Variants in PTGFR observed in about 807,000 individuals in gnomAD.
PTGFR encodes prostaglandin F receptor, also known as prostaglandin F2-alpha receptor.
PTGFR carries 15 observed loss-of-function variants against 26.2 expected under a neutral mutation model. That is an observed-to-expected ratio of 0.57 (90% CI 0.38 to 0.88). The LOEUF (loss-of-function observed/expected upper bound fraction) is 0.88, where lower values mean the gene tolerates loss of function less well. Ranked by LOEUF, PTGFR falls within the 40% of genes least tolerant of loss-of-function variation. The pLI is 0.00. For synonymous variants in PTGFR, 165 were observed against 151.1 expected, an observed-to-expected ratio of 1.09 and a Z score of -0.68; for missense variants, 369 against 427.2, an observed-to-expected ratio of 0.86 and a Z score of 1.20.
At position 78,496,448 on chromosome 1, in the gene PTGFR, T is replaced by C. The variant is rs550816586; in HGVS notation, c.798+2907T>C. ...CAGGTCAATGCCCTATTTCATACCATGTGCCTTTTCTCTCTGATTAACTGT... is the reference window on the plus strand; with the variant it reads ...CAGGTCAATGCCCTATTTCATACCACGTGCCTTTTCTCTCTGATTAACTGT... On this transcript the variant is annotated intron_variant, in intron 2 of 2. Coordinates refer to ENST00000370757, the MANE Select transcript of PTGFR (RefSeq NM_000959.4). Among the ~76,000 whole-genome samples the C allele has an allele frequency of 1.2e-4, 18 of 152,304 alleles. No individual in the cohort carries two copies. In the South Asian group the frequency reaches 2.9e-3, roughly 25 times the overall value.
At chr1:78,498,425 G>A (rs1192551890) in intron 2 of PTGFR, among the ~76,000 whole-genome samples, 2 of 151,970 alleles carry the variant, frequency 1.3e-5, no homozygotes, top group African/African-American at 4.8e-5. Context: ...TATATATATT[G>A]TTTATGTATT....
intron 2 of PTGFR, among the ~76,000 whole-genome samples, chr1:78,533,795 C>T (rs534814793): frequency 6.0e-4 from 91 of 152,206 alleles, no homozygotes; most frequent in African/African-American, 2.1e-3. Context: ...AACATGGGCT[C>T]TATTATCTAT....
intron 2 of PTGFR, among the ~76,000 whole-genome samples, chr1:78,523,675 A>T (rs1011636842): frequency 6.6e-6 from 1 of 152,156 alleles, no homozygotes; most frequent in African/African-American, 2.4e-5. Flanking sequence ...ATTTTATTTT[A>T]GCTAATTTTT....
intron 2 of PTGFR, among the ~76,000 whole-genome samples, chr1:78,532,983 G>T (rs1650559748): frequency 6.6e-6 from 1 of 152,128 alleles, no homozygotes; most frequent in Non-Finnish European, 1.5e-5. Context: ...GGCACAGATA[G>T]TAGTTTGTCC....
At chr1:78,499,779 T>G (rs1164979650) in intron 2 of PTGFR, among the ~76,000 whole-genome samples, 2 of 152,214 alleles carry the variant, frequency 1.3e-5, no homozygotes, top group Non-Finnish European at 2.9e-5. Context: ...ATACTAGGCT[T>G]GGTATTTTAT....
intron 2 of PTGFR, among the ~76,000 whole-genome samples, chr1:78,528,092 A>C (rs371871248): frequency 6.6e-6 from 1 of 152,002 alleles, no homozygotes. Context: ...TTAGACCATG[A>C]GATAGGAAAT....
chr1:78,497,990 A>C, intron 2 of PTGFR: 1 of 1,409,540 alleles, frequency 7.1e-7, no homozygotes, highest in Non-Finnish European at 1.0e-6. Context: ...GTAGAATTGG[A>C]GCTTGATTTT....
Position 78,536,687 on chromosome 1 carries a change from G to T in PTGFR, c.1080G>T (p.Ter360TyrextTer23). ...TTGCAGAGAAATCAGCAAGCACCTA[G>T]CTTAATAGGACAGTAAATCTGTGTG... is the stretch of plus-strand genomic sequence containing the variant. ...SPVAEKSAST[*>Y] The change falls in exon 3 of 3, where the codon TAG (stop) becomes TAT (tyrosine). Residue 360 changes from the stop codon to tyrosine, a stop_lost. Coordinates refer to ENST00000370757, the MANE Select transcript of PTGFR (RefSeq NM_000959.4). The T allele has an allele frequency of 6.2e-7, 1 of 1,610,476 alleles. No individual in the cohort carries two copies. The highest frequency in any genetic ancestry group is 8.5e-7 in the Non-Finnish European group (1 of 1,178,558).
chr1:78,537,028 A>C lies in PTGFR; in HGVS notation c.*341A>C. The C allele has an allele frequency of 4.3e-6, 1 of 232,922 alleles. No individual in the cohort carries two copies. 14.4% of individuals were successfully genotyped at this position (232,922 alleles called of 1,614,324 possible). A position where few individuals can be genotyped will look rare whatever the true frequency, so the allele number is the denominator to read the frequency against. The stretch of plus-strand genomic sequence containing the variant: ...GGCCTATTTGCCAGAGAACATCTTA[A>C]TGCAGCCTGCATAGTGAAATGGTTA... On this transcript the variant is annotated 3_prime_UTR_variant, in exon 3 of 3. Transcript: ENST00000370757.
intron 2 of PTGFR, among the ~76,000 whole-genome samples, chr1:78,527,758 C>T (rs1194066852): frequency 6.6e-6 from 1 of 152,108 alleles, no homozygotes; most frequent in Non-Finnish European, 1.5e-5. Context: ...CCACTATGTG[C>T]CCAGCACAGA....
intron 2 of PTGFR, among the ~76,000 whole-genome samples, chr1:78,505,632 C>T (rs1211070277): frequency 6.6e-6 from 1 of 152,168 alleles, no homozygotes; most frequent in Non-Finnish European, 1.5e-5. Context: ...GCTGTCACCA[C>T]TATCTTGTAC....
chr1:78,532,374 A>ATATATATATATATATATATATATATG (rs1650531576), intron 2 of PTGFR: 1 of 118,558 alleles, frequency 8.4e-6, no homozygotes, highest in Non-Finnish European at 1.5e-5. Flanking sequence ...TTATATATAT[A>ATATATATATATATATATATATATATG]TATATATATA....
chr1:78,523,922 A>G (rs1570292346), intron 2 of PTGFR, among the ~76,000 whole-genome samples: 1 of 152,124 alleles, frequency 6.6e-6, no homozygotes, highest in East Asian at 1.9e-4. Context: ...CTATATGCCC[A>G]GCATGTCTGA....
At chr1:78,523,076 A>T (rs1368024821) in intron 2 of PTGFR, among the ~76,000 whole-genome samples, 1 of 152,126 alleles carries the variant, frequency 6.6e-6, no homozygotes, top group African/African-American at 2.4e-5. Flanking sequence ...ATGGCTGCAA[A>T]GTATTTCATT....
chr1:78,516,357 T>C (rs954723217), intron 2 of PTGFR, among the ~76,000 whole-genome samples: 5 of 152,194 alleles, frequency 3.3e-5, no homozygotes, highest in Non-Finnish European at 7.3e-5. Context: ...TTAGTTAAAA[T>C]TGTCTTCAGA....
chr1:78,492,292 G>T lies in PTGFR; in HGVS notation c.-72-380G>T, dbSNP rs1485985592. Among the ~76,000 whole-genome samples, 4 of 152,238 alleles carry T rather than the reference G, an allele frequency of 2.6e-5. No homozygotes were observed. The East Asian group carries it at 7.7e-4, about 29-fold the overall frequency. ...AGAGGAAAGAGAAGACACTTTAAAA[G>T]GTCTCTCTCTCTTTTTTAATAGACT... On this transcript the variant is annotated intron_variant, in intron 1 of 2. Transcript: ENST00000370757.
At chr1:78,527,474 A>G (rs1040187625) in intron 2 of PTGFR, among the ~76,000 whole-genome samples, 3 of 152,142 alleles carry the variant, frequency 2.0e-5, no homozygotes, top group African/African-American at 7.2e-5. Flanking sequence ...TTAATGAAGT[A>G]TAAAAATGTA....
rs1650680053 is a variant in PTGFR, at chr1:78,537,265, T to C, written c.*578T>C. 1 of 152,146 alleles carries C rather than the reference T, an allele frequency of 6.6e-6. No homozygotes were observed. The highest frequency in any genetic ancestry group is 2.1e-4 in the South Asian group (1 of 4,826). 9.4% of individuals were successfully genotyped at this position (152,146 alleles called of 1,614,324 possible). A position where few individuals can be genotyped will look rare whatever the true frequency, so the allele number is the denominator to read the frequency against. Reference sequence around the variant, plus strand: ...CAGGTTGCCTGACCCTGCAATCCTATCTAGAATGGGCCCATTCTTGTCATA... The same window carrying C: ...CAGGTTGCCTGACCCTGCAATCCTACCTAGAATGGGCCCATTCTTGTCATA... On this transcript the variant is annotated 3_prime_UTR_variant, in exon 3 of 3. Transcript: ENST00000370757.
At chr1:78,531,906 T>C (rs1296639337) in intron 2 of PTGFR, among the ~76,000 whole-genome samples, 1 of 152,136 alleles carries the variant, frequency 6.6e-6, no homozygotes, top group African/African-American at 2.4e-5. Context: ...CATTTCAATA[T>C]GTTCTACATA....
Sources: allele counts gnomAD v4.1 joint callset (sites outside exome capture counted in the v4.1 genomes callset), GRCh38; gene constraint gnomAD v4.1.1; transcripts MANE v1.5; gene names NCBI Gene and HGNC (gene_info 2026-07-23, HGNC 2026-07-21).